Variants in PCSK4 observed in about 807,000 individuals in gnomAD.
PCSK4 encodes the protein proprotein convertase subtilisin/kexin type 4.
Under a neutral mutation model 80.3 loss-of-function variants are expected in PCSK4, and 64 were observed. That is an observed-to-expected ratio of 0.80 (90% confidence interval 0.65 to 0.98). PCSK4 has a LOEUF of 0.98. PCSK4 is among the 50% of genes least tolerant of loss of function. The probability of loss-of-function intolerance (pLI) is 0.00; values close to 1 mark genes in which losing one functional copy is unlikely to be tolerated. For synonymous variants in PCSK4, 561 were observed against 487.6 expected, an observed-to-expected ratio of 1.15 and a Z score of -1.98; for missense variants, 1,213 against 1,093.6, an observed-to-expected ratio of 1.11 and a Z score of -1.54.
chr19:1,486,800 G>A (rs2084640191), intron 8 of PCSK4, 53 bp downstream of exon 8: 3 of 1,461,512 alleles, frequency 2.1e-6, no homozygotes, highest in East Asian at 4.7e-5. Context: ...GAGGAGGCCA[G>A]GCTGGGATGG....
At chr19:1,487,177 G>A (rs1254169946) in exon 7 of PCSK4, 3 of 1,607,296 alleles carry the variant, frequency 1.9e-6, no homozygotes, top group Non-Finnish European at 2.5e-6. Context: ...CGCGGGTGAG[G>A]ATGCCGGGGC....
exon 2 of PCSK4, chr19:1,489,808 C>A: frequency 6.2e-7 from 1 of 1,611,024 alleles, no homozygotes; most frequent in Non-Finnish European, 8.5e-7. Flanking sequence ...GGTTTTTCTT[C>A]AGGTGCAGGC....
chr19:1,483,661 C>G (rs773930210), exon 11 of PCSK4: 2 of 1,591,934 alleles, frequency 1.3e-6, no homozygotes, highest in Non-Finnish European at 1.7e-6. Context: ...TGGGGCGGCT[C>G]TGGACCCGGA....
At chr19:1,487,207 G>T in exon 7 of PCSK4, 1 of 1,608,032 alleles carries the variant, frequency 6.2e-7, no homozygotes, top group Non-Finnish European at 8.5e-7. Context: ...TGCGGCCGTC[G>T]TCCTCGGGAC....
intron 6 of PCSK4, 49 bp downstream of exon 6, chr19:1,487,554 C>A: frequency 6.8e-7 from 1 of 1,464,088 alleles, no homozygotes; most frequent in Non-Finnish European, 9.3e-7. Context: ...CCAGAGTCAC[C>A]CCCTTCCCTC....
exon 9 of PCSK4, chr19:1,484,046 C>A: frequency 6.4e-7 from 1 of 1,553,586 alleles, no homozygotes. Context: ...AGCGCTAGGG[C>A]GATCATGCCG....
At chr19:1,483,708 T>G (rs747422579) in exon 11 of PCSK4, 1 of 1,596,070 alleles carries the variant, frequency 6.3e-7, no homozygotes, top group East Asian at 2.2e-5. Flanking sequence ...GGCAGCCAGG[T>G]GCGGGCGGTG....
intron 2 of PCSK4, among the ~76,000 whole-genome samples, chr19:1,489,340 G>C (rs1022665414): frequency 6.6e-6 from 1 of 152,036 alleles, no homozygotes; most frequent in African/African-American, 2.4e-5. Flanking sequence ...CACCGTGTTC[G>C]CTAGGATCTC....
At chr19:1,482,183 A>C in exon 15 of PCSK4, 1 of 1,551,278 alleles carries the variant, frequency 6.4e-7, no homozygotes, top group African/African-American at 1.4e-5. Flanking sequence ...GAGCTGTCCC[A>C]GGATGTAGGC....
rs1027307110 is a variant in PCSK4, at chr19:1,487,521, G to A, written c.682+82C>T. On this transcript the variant is annotated intron_variant, in intron 6 of 14. Coordinates refer to ENST00000300954, the Ensembl canonical transcript of PCSK4. Reference sequence around the variant, plus strand: ...CCCAGCAGTGAGAGGGTGGGCTCCCGAGTCCTTGGGCCCAGCTCCCCGCCA... The same window carrying A: ...CCCAGCAGTGAGAGGGTGGGCTCCCAAGTCCTTGGGCCCAGCTCCCCGCCA... 872 of 1,271,090 alleles carry A rather than the reference G, an allele frequency of 6.9e-4. 5 individuals are homozygous for A. The African/African-American group carries it at 0.011, about 16-fold the overall frequency. The allele number at this position is 1,271,090 out of a possible 1,614,324, so 78.7% of individuals were successfully genotyped here.
At chr19:1,482,245 C>A in intron 14 of PCSK4, 38 bp from the exon 15 acceptor site, 1 of 1,522,870 alleles carries the variant, frequency 6.6e-7, no homozygotes, top group South Asian at 1.2e-5. Context: ...CGTCAGCTTG[C>A]CACCCGCAGC....
At position 1,483,853 on chromosome 19, in the gene PCSK4, C is replaced by T. The variant is rs751721256; in HGVS notation, c.1258G>A (p.Gly420Ser). The change falls in exon 10 of 15, where the codon GGC becomes AGC. Residue 420 changes from glycine to serine, a missense_variant. Physicochemically the swap from Gly to Ser is moderately conservative, Grantham distance 56. Transcript: ENST00000300954. ...CCCGCCGCACCTTGGCGCCCCACGC[C>T]GTTGGTCCTCCAGTCCTCGGCCTGC... 15 of 1,495,026 alleles carry T rather than the reference C, an allele frequency of 1.0e-5. No homozygotes were observed. In the African/African-American group the frequency reaches 1.6e-4, roughly 16 times the overall value. The allele number at this position is 1,495,026 out of a possible 1,614,324, so 92.6% of individuals were successfully genotyped here. A position where few individuals can be genotyped will look rare whatever the true frequency, so the allele number is the denominator to read the frequency against.
chr19:1,483,891 T>A (rs1279127438), exon 10 of PCSK4: 1 of 1,492,352 alleles, frequency 6.7e-7, no homozygotes. Context: ...GTGCGCCGGC[T>A]TGGACGCGCG....
intron 8 of PCSK4, among the ~76,000 whole-genome samples, chr19:1,486,139 ATTT>A (rs1301916358): frequency 8.7e-5 from 12 of 137,552 alleles, no homozygotes; most frequent in South Asian, 2.4e-4. Flanking sequence ...TGCCTGGCTA[ATTT>A]TTTTTTGTAT....
At chr19:1,486,727 C>G (rs942842172) in intron 8 of PCSK4, 126 bp downstream of exon 8, 5 of 795,596 alleles carry the variant, frequency 6.3e-6, no homozygotes, top group Admixed American at 2.2e-5. Context: ...CCACCGTGCT[C>G]GGCCTGGATT....
exon 15 of PCSK4, chr19:1,481,557 T>A: frequency 2.2e-6 from 1 of 449,538 alleles, no homozygotes; most frequent in Non-Finnish European, 3.9e-6. Context: ...CCCAGCCCAC[T>A]CCCGCCCAAA....
chr19:1,487,209 C>T (rs755389520), exon 7 of PCSK4: 2 of 1,607,984 alleles, frequency 1.2e-6, no homozygotes, highest in South Asian at 1.1e-5. Context: ...CGGCCGTCGT[C>T]CTCGGGACCC....
At chr19:1,482,545 G>C in intron 13 of PCSK4, 70 bp from the exon 14 acceptor site, 1 of 1,543,204 alleles carries the variant, frequency 6.5e-7, no homozygotes, top group Non-Finnish European at 8.7e-7. Context: ...GGTAGTCCCC[G>C]GGCTCCCTCC....
At position 1,482,888 on chromosome 19, in the gene PCSK4, G is replaced by A. The variant is rs1286989011; in HGVS notation, c.1696+8C>T. 6.0e-5 allele frequency: 39 copies of A among 653,392 alleles called. No individual in the cohort carries two copies. The highest frequency in any genetic ancestry group is 1.0e-4 in the Non-Finnish European group (38 of 371,384). The allele number at this position is 653,392 out of a possible 1,614,324, so 40.5% of individuals were successfully genotyped here. On this transcript the variant is annotated splice_region_variant and intron_variant, in intron 13 of 14. Transcript: ENST00000300954. ...GCCCCGCCCACCACAGCCCCGCCCC[G>A]CCCTCACCCGTGTTGAAATAGTAGC...
Sources: gnomAD v4.1 joint callset for allele counts (sites outside exome capture counted in the v4.1 genomes callset) on GRCh38, gnomAD v4.1.1 for gene constraint, MANE v1.5 for transcripts, NCBI Gene and HGNC (gene_info 2026-07-23, HGNC 2026-07-21) for gene names.